Variants in BIN3 observed in about 807,000 individuals in gnomAD.
BIN3 encodes bridging integrator 3.
A neutral mutation model predicts 38.2 loss-of-function variants in BIN3; 41 were observed. The observed-to-expected ratio is 1.07, with a 90% CI of 0.84 to 1.39. The LOEUF is 1.39. Ranked by LOEUF, BIN3 falls within the 40% of genes most tolerant of loss-of-function variation. BIN3 has a pLI of 0.00. For missense variants in BIN3, 361 were observed against 324.3 expected (o/e 1.11, Z -0.87); for synonymous variants, 145 against 122.6 (o/e 1.18, Z -1.21).
At chr8:22,667,638 T>C (rs1803464477) in intron 1 of BIN3, among the ~76,000 whole-genome samples, 1 of 152,168 alleles carries the variant, frequency 6.6e-6, no homozygotes, top group Non-Finnish European at 1.5e-5. Flanking sequence ...AACTAGGTTA[T>C]AACAAGACAG....
intron 1 of BIN3, among the ~76,000 whole-genome samples, chr8:22,652,092 T>G (rs912259883): frequency 1.4e-4 from 22 of 152,086 alleles, no homozygotes; most frequent in Non-Finnish European, 2.6e-4. Context: ...ATTTCATGGA[T>G]GCCTTATCTC....
At chr8:22,643,789 G>T (rs141767550) in intron 2 of BIN3, among the ~76,000 whole-genome samples, 121 of 152,380 alleles carry the variant, frequency 7.9e-4, no homozygotes, top group African/African-American at 2.7e-3. Context: ...ACCGTCAGGG[G>T]CTGGGATGAC....
rs1279186926 is a variant in BIN3 at position 22,623,972 on chromosome 8, G to A, written c.558C>T (p.Phe186=). 1 of 1,612,376 alleles carries A rather than the reference G, an allele frequency of 6.2e-7. No homozygotes were observed. Among genetic ancestry groups the A allele is most frequent in the Non-Finnish European group, 8.5e-7 (1 of 1,179,644 alleles). The change falls in exon 8 of 9, where the codon TTC becomes TTT. Residue 186 remains phenylalanine (F), a synonymous_variant. Coordinates refer to ENST00000276416, the MANE Select transcript of BIN3 (RefSeq NM_018688.6). The part of the protein sequence containing the change: ...NRQLLEEMPR[F]YGSRLDYFQP... Reference sequence around the variant, plus strand: ...GGAAGTAGTCGAGGCGGCTGCCGTAGAAGCGCGGCATCTCCTCCAGCAGCT... The same window carrying A: ...GGAAGTAGTCGAGGCGGCTGCCGTAAAAGCGCGGCATCTCCTCCAGCAGCT...
In BIN3 at chr8:22,630,512, T is replaced by C. The variant is rs1329679652; in HGVS notation, c.227A>G (p.Gln76Arg). Residue 76 changes from glutamine (Q) to arginine (R), a missense_variant, in exon 5 of 9, where the codon CAG (glutamine) becomes CGG (arginine). Coordinates refer to ENST00000276416, the MANE Select transcript of BIN3 (RefSeq NM_018688.6). ...LLSNPLCEQD[Q>R]DLLNMVTALD... ...GGCCGTCACCATGTTCAGAAGGTCC[T>C]GGTCTTGCTCACAGAGGGGATTGGA... The C allele has an allele frequency of 1.2e-6, 2 of 1,614,046 alleles. No individual in the cohort carries two copies. The highest frequency in any genetic ancestry group is 1.7e-6 in the Non-Finnish European group (2 of 1,179,888).
chr8:22,649,940 T>A (rs1443414380), intron 1 of BIN3, among the ~76,000 whole-genome samples: 2 of 152,040 alleles, frequency 1.3e-5, no homozygotes, highest in Non-Finnish European at 1.5e-5. Flanking sequence ...AAATTTTATA[T>A]AATTTTTAAA....
chr8:22,667,958 C>A (rs1392002544), intron 1 of BIN3, among the ~76,000 whole-genome samples: 1 of 152,196 alleles, frequency 6.6e-6, no homozygotes, highest in Admixed American at 6.5e-5. Flanking sequence ...TATCTTAATT[C>A]ATTCATAACT....
intron 1 of BIN3, among the ~76,000 whole-genome samples, chr8:22,655,546 G>C (rs528724194): frequency 6.6e-6 from 1 of 152,296 alleles, no homozygotes; most frequent in Non-Finnish European, 1.5e-5. Flanking sequence ...TTTTTCCGCT[G>C]AACTGTTCTG....
chr8:22,660,629 G>A (rs777471911), intron 1 of BIN3, among the ~76,000 whole-genome samples: 9 of 152,016 alleles, frequency 5.9e-5, no homozygotes, highest in Non-Finnish European at 1.0e-4. Flanking sequence ...CGGGGGGCGC[G>A]GGCAAACGTT....
At chr8:22,624,695 G>A (rs1801952867) in intron 6 of BIN3, 1 of 276,050 alleles carries the variant, frequency 3.6e-6, no homozygotes, top group Non-Finnish European at 6.8e-6. Context: ...GGGTGGCCCA[G>A]GAATGAAGGG....
chr8:22,632,309 C>A (rs1802228330), intron 4 of BIN3, among the ~76,000 whole-genome samples: 1 of 152,208 alleles, frequency 6.6e-6, no homozygotes, highest in Admixed American at 6.5e-5. Flanking sequence ...CTCCGCCAGG[C>A]CCCTTCACCA....
chr8:22,640,668 A>G (rs1585190100), intron 2 of BIN3, among the ~76,000 whole-genome samples: 1 of 152,100 alleles, frequency 6.6e-6, no homozygotes, highest in Non-Finnish European at 1.5e-5. Context: ...TGTTAGCTGA[A>G]CCCCGGGGCC....
chr8:22,661,095 G>A (rs1803221677), intron 1 of BIN3, among the ~76,000 whole-genome samples: 1 of 152,060 alleles, frequency 6.6e-6, no homozygotes, highest in Admixed American at 6.5e-5. Context: ...ACGCTCCCCA[G>A]GTTAGTCTCC....
chr8:22,650,479 C>T (rs1029774857), intron 1 of BIN3, among the ~76,000 whole-genome samples: 6 of 152,218 alleles, frequency 3.9e-5, no homozygotes, highest in Admixed American at 6.5e-5. Flanking sequence ...GACCTGCTTC[C>T]TCCACTCCAT....
At chr8:22,625,636 G>A in intron 6 of BIN3, 1 of 540,448 alleles carries the variant, frequency 1.9e-6, no homozygotes, top group Non-Finnish European at 3.3e-6. Flanking sequence ...CACCCAGGCT[G>A]GAGTACAGTG....
chr8:22,623,856 CAG>C, intron 8 of BIN3, 57 bp downstream of exon 8: 11 of 1,568,114 alleles, frequency 7.0e-6, no homozygotes, highest in Non-Finnish European at 9.5e-6. Flanking sequence ...GTGTGGGTGA[CAG>C]GGAGTGGCAT....
At chr8:22,636,497 C>A (rs543504462) in intron 4 of BIN3, 28 bp downstream of exon 4, 5 of 1,550,814 alleles carry the variant, frequency 3.2e-6, no homozygotes, top group Non-Finnish European at 3.5e-6. Flanking sequence ...CCTGCTCAAG[C>A]GAGTGGTGCG....
intron 6 of BIN3, among the ~76,000 whole-genome samples, chr8:22,628,862 G>A (rs140153673): frequency 1.6e-3 from 248 of 152,300 alleles, no homozygotes; most frequent in African/African-American, 5.7e-3. Context: ...CCACAGCCAC[G>A]GAGCTCTTTC....
At chr8:22,649,948 AAATT>A (rs1161133239) in intron 1 of BIN3, among the ~76,000 whole-genome samples, 2 of 151,980 alleles carry the variant, frequency 1.3e-5, no homozygotes, top group African/African-American at 2.4e-5. Context: ...TATAATTTTT[AAATT>A]AATAAGTAAA....
intron 2 of BIN3, among the ~76,000 whole-genome samples, chr8:22,638,201 A>C (rs951061816): frequency 1.3e-5 from 2 of 152,244 alleles, no homozygotes; most frequent in Non-Finnish European, 2.9e-5. Context: ...ACTGTCTTCC[A>C]GCAACGCTGA....
Sources: gnomAD v4.1 joint callset for allele counts (sites outside exome capture counted in the v4.1 genomes callset) on GRCh38, gnomAD v4.1.1 for gene constraint, MANE v1.5 for transcripts, NCBI Gene and HGNC (gene_info 2026-07-23, HGNC 2026-07-21) for gene names.